The following ARSJ variants were observed in gnomAD, a reference collection of about 807,000 sequenced individuals.
The protein encoded by ARSJ is arylsulfatase J.
A neutral mutation model predicts 35.9 loss-of-function variants in ARSJ; 26 were observed. The ratio of observed to expected loss-of-function variants is 0.72; its 90% CI spans 0.53 to 1.00. The LOEUF (loss-of-function observed/expected upper bound fraction) is 1.00. Among genes scored for constraint, ARSJ ranks in the 50% least tolerant of loss-of-function variants. The pLI is 0.00. For missense variants in ARSJ, 667 were observed against 723.6 expected (o/e 0.92, Z 0.90); for synonymous variants, 294 against 267.6 (o/e 1.10, Z -0.96).
chr4:113,947,010 T>C (rs1368392659), intron 1 of ARSJ, among the ~76,000 whole-genome samples: 1 of 152,112 alleles, frequency 6.6e-6, no homozygotes, highest in Non-Finnish European at 1.5e-5. Context: ...TGGTATCCAA[T>C]ATATCCAATA....
intron 1 of ARSJ, chr4:113,943,302 A>C (rs1420878627): frequency 6.6e-6 from 1 of 151,956 alleles, no homozygotes; most frequent in Non-Finnish European, 1.5e-5. Context: ...AATCCTTGCC[A>C]CACTTCTTGC....
chr4:113,920,806 A>G (rs537729610), intron 1 of ARSJ, among the ~76,000 whole-genome samples: 7 of 152,254 alleles, frequency 4.6e-5, no homozygotes, highest in Non-Finnish European at 8.8e-5. Flanking sequence ...ATCCTATTTT[A>G]GAGTAAAAAT....
At position 113,961,897 on chromosome 4, in the gene ARSJ, CTG is replaced by C. The variant is rs60701922; in HGVS notation, c.398+16538_398+16539del. Among the ~76,000 whole-genome samples the C allele has an allele frequency of 9.0e-3, 1,339 of 148,100 alleles. 19 individuals carry two copies. Among genetic ancestry groups the C allele is most frequent in the African/African-American group, 0.032 (1,266 of 39,830 alleles). On this transcript the variant is annotated intron_variant, in intron 1 of 1. Transcript: ENST00000315366. Reference sequence around the variant, plus strand: ...CCTGTGTTTGTCTCTCTCTCTCTCTCTGTGTGTGTGTGTGTGTGTGTGTGTGT... The same window carrying C: ...CCTGTGTTTGTCTCTCTCTCTCTCTCTGTGTGTGTGTGTGTGTGTGTGTGT...
rs375621155 is a variant in ARSJ at position 113,979,078 on chromosome 4, C to G, written c.-244G>C. 1.5e-4 allele frequency: 63 copies of G among 420,066 alleles called. 1 individual carries two copies. Among genetic ancestry groups the G allele is most frequent in the East Asian group, 1.2e-3 (34 of 28,538 alleles). 26.0% of individuals were successfully genotyped at this position (420,066 alleles called of 1,614,324 possible). Reference sequence around the variant, plus strand: ...CATTTCACTTTCTCCTCCTCCTCCCCCCTCCCTAGAGCAGCTTCCACCAAG... The same window carrying G: ...CATTTCACTTTCTCCTCCTCCTCCCGCCTCCCTAGAGCAGCTTCCACCAAG... On this transcript the variant is annotated 5_prime_UTR_variant, in exon 1 of 2. Transcript: ENST00000315366.
intron 1 of ARSJ, among the ~76,000 whole-genome samples, chr4:113,940,529 A>G (rs1725084236): frequency 6.6e-6 from 1 of 151,672 alleles, no homozygotes; most frequent in African/African-American, 2.4e-5. Flanking sequence ...AGCAAAAAAT[A>G]GCTAATGCAT....
intron 1 of ARSJ, among the ~76,000 whole-genome samples, chr4:113,910,600 CTCT>C (rs71684743): frequency 0.035 from 5,250 of 152,168 alleles, 314 homozygotes; most frequent in African/African-American, 0.12. Flanking sequence ...CCAAAAGACT[CTCT>C]TGTCTATAAA....
intron 1 of ARSJ, among the ~76,000 whole-genome samples, chr4:113,908,771 A>C (rs756129950): frequency 2.6e-5 from 4 of 152,188 alleles, no homozygotes; most frequent in Non-Finnish European, 5.9e-5. Context: ...ACAGAATAGA[A>C]ATTAAAGGGG....
chr4:113,927,882 C>A (rs1724175644), intron 1 of ARSJ, among the ~76,000 whole-genome samples: 1 of 152,118 alleles, frequency 6.6e-6, no homozygotes, highest in Admixed American at 6.5e-5. Flanking sequence ...ATTTTTGACT[C>A]ACTATTTTTC....
intron 1 of ARSJ, among the ~76,000 whole-genome samples, chr4:113,926,027 A>G (rs967305907): frequency 2.0e-5 from 3 of 152,138 alleles, no homozygotes; most frequent in African/African-American, 7.2e-5. Flanking sequence ...CCATTGGGCA[A>G]TGACAGGGAT....
chr4:113,978,795 A>AAGGCGG lies in ARSJ; in HGVS notation c.34_39dup (p.Pro12_Pro13dup), dbSNP rs772373082. ...CCAGGACAGACACAGGCCTGTGGAG[A>AAGGCGG]AGGCGGAGGCGGATGCCCCGCACAG... On this transcript the variant is annotated inframe_insertion, in exon 1 of 2. Transcript: ENST00000315366. The AAGGCGG allele has an allele frequency of 5.5e-5, 88 of 1,613,416 alleles. 1 individual carries two copies. The East Asian group carries it at 1.4e-3, about 25-fold the overall frequency.
At chr4:113,914,649 C>T (rs1377307155) in intron 1 of ARSJ, among the ~76,000 whole-genome samples, 1 of 152,124 alleles carries the variant, frequency 6.6e-6, no homozygotes, top group Non-Finnish European at 1.5e-5. Context: ...TAGCTGCAAG[C>T]CATGTGACAA....
rs746749836 is a variant in ARSJ, at chr4:113,978,794, G to A, written c.41C>T (p.Ser14Phe). The A allele has an allele frequency of 1.2e-6, 2 of 1,613,396 alleles. No individual in the cohort carries two copies. The highest frequency in any genetic ancestry group is 1.1e-5 in the South Asian group (1 of 90,982). Reference sequence around the variant, plus strand: ...TCCAGGACAGACACAGGCCTGTGGAGAAGGCGGAGGCGGATGCCCCGCACA... The same window carrying A: ...TCCAGGACAGACACAGGCCTGTGGAAAAGGCGGAGGCGGATGCCCCGCACA... ...RGCAGHPPPPSPQACVCPGKM... is the reference protein window; with the variant it reads ...RGCAGHPPPPFPQACVCPGKM... Residue 14 changes from serine to phenylalanine, a missense_variant, in exon 1 of 2, where the codon TCT (serine) becomes TTT (phenylalanine). Physicochemically the swap from Ser to Phe is radical, Grantham distance 155 (BLOSUM62 -2). Coordinates refer to ENST00000315366, the MANE Select transcript of ARSJ (RefSeq NM_024590.4).
Position 113,900,865 on chromosome 4 carries a change from C to A in ARSJ, c.*1409G>T, listed in dbSNP as rs536197327. On this transcript the variant is annotated 3_prime_UTR_variant, in exon 2 of 2. Coordinates refer to ENST00000315366, the MANE Select transcript of ARSJ (RefSeq NM_024590.4). The stretch of plus-strand genomic sequence containing the variant: ...GGGTTTCCAAGCAAGGTTACCTACT[C>A]CAGGCAGGATCCGTATCTTCCATTT... The A allele has an allele frequency of 2.0e-5, 3 of 152,298 alleles. No individual in the cohort carries two copies. The highest frequency in any genetic ancestry group is 7.2e-5 in the African/African-American group (3 of 41,568). 9.4% of individuals were successfully genotyped at this position (152,298 alleles called of 1,614,324 possible).
rs755740048 is a variant in ARSJ at position 113,978,608 on chromosome 4, G to T, written c.227C>A (p.Pro76His). Residue 76 changes from proline (P) to histidine (H), a missense_variant, in exon 1 of 2, where the codon CCC becomes CAC. Transcript: ENST00000315366. ...LEPSTTSTSQ[P>H]HLIFILADDQ... ...ATCCGCTAGGATGAAAATGAGATGG[G>T]GCTGGGAGGTGGAAGTTGTGCTGGG... 9.9e-6 allele frequency: 16 copies of T among 1,614,014 alleles called. No homozygotes were observed. Among genetic ancestry groups the T allele is most frequent in the Non-Finnish European group, 1.4e-5 (16 of 1,180,028 alleles).
chr4:113,957,866 A>G (rs1726284185), intron 1 of ARSJ, among the ~76,000 whole-genome samples: 1 of 152,108 alleles, frequency 6.6e-6, no homozygotes, highest in African/African-American at 2.4e-5. Flanking sequence ...ACAAAAAATC[A>G]GTCAAGCACA....
intron 1 of ARSJ, among the ~76,000 whole-genome samples, chr4:113,927,897 T>C (rs1282728211): frequency 1.3e-5 from 2 of 152,158 alleles, no homozygotes; most frequent in Non-Finnish European, 2.9e-5. Context: ...TTTTTCTAGG[T>C]AGAGGCAGCT....
intron 1 of ARSJ, among the ~76,000 whole-genome samples, chr4:113,950,998 A>G (rs1725831667): frequency 6.6e-6 from 1 of 152,118 alleles, no homozygotes; most frequent in African/African-American, 2.4e-5. Flanking sequence ...AGGGAAATAA[A>G]TGGAAGTTTT....
intron 1 of ARSJ, among the ~76,000 whole-genome samples, chr4:113,926,748 G>A (rs987100060): frequency 1.3e-5 from 2 of 152,148 alleles, no homozygotes; most frequent in African/African-American, 4.8e-5. Context: ...GTTCATGATA[G>A]GCAGTTCAGG....
Position 113,941,637 on chromosome 4 carries a change from G to C in ARSJ, c.398+36800C>G, listed in dbSNP as rs563961623. Among the ~76,000 whole-genome samples the C allele has an allele frequency of 2.8e-5, 4 of 142,490 alleles. No homozygotes were observed. The East Asian group carries it at 8.5e-4, about 30-fold the overall frequency. The allele number at this position is 142,490 out of a possible 152,430, so 93.5% of individuals were successfully genotyped here. A position where few individuals can be genotyped will look rare whatever the true frequency, so the allele number is the denominator to read the frequency against. Reference sequence around the variant, plus strand: ...TCAACACATGAATTAAATATATAATGTGTAAGGCACCAAATGAAACTCTGC... The same window carrying C: ...TCAACACATGAATTAAATATATAATCTGTAAGGCACCAAATGAAACTCTGC... On this transcript the variant is annotated intron_variant, in intron 1 of 1. Coordinates refer to ENST00000315366, the MANE Select transcript of ARSJ (RefSeq NM_024590.4).
Sources: gnomAD v4.1 joint callset for allele counts (sites outside exome capture counted in the v4.1 genomes callset) on GRCh38, gnomAD v4.1.1 for gene constraint, MANE v1.5 for transcripts, NCBI Gene and HGNC (gene_info 2026-07-23, HGNC 2026-07-21) for gene names.